SERINC1: variants seen among roughly 807,000 people sequenced by gnomAD.
SERINC1 encodes the protein serine incorporator 1.
Under a neutral mutation model 52.9 loss-of-function variants are expected in SERINC1, and 38 were observed. That is an observed-to-expected ratio of 0.72 (90% CI 0.55 to 0.94). The LOEUF is 0.94. Among genes scored for constraint, SERINC1 ranks in the 40% least tolerant of loss-of-function variants. The pLI, the probability that SERINC1 is intolerant of heterozygous loss-of-function variation, is 0.00. For missense variants in SERINC1, 471 were observed against 533.9 expected, an observed-to-expected ratio of 0.88 and a Z score of 1.16; for synonymous variants, 198 against 183.1, an observed-to-expected ratio of 1.08 and a Z score of -0.66.
At chr6:122,468,675 A>G (rs948639816) in intron 1 of SERINC1, among the ~76,000 whole-genome samples, 1 of 152,204 alleles carries the variant, frequency 6.6e-6, no homozygotes, top group Non-Finnish European at 1.5e-5. Context: ...GCACCCATGC[A>G]TTGAGAGAGA....
intron 1 of SERINC1, among the ~76,000 whole-genome samples, chr6:122,469,832 C>T (rs187264837): frequency 6.6e-6 from 1 of 152,284 alleles, no homozygotes; most frequent in Admixed American, 6.5e-5. Context: ...GCTGGGATTA[C>T]AGGCGTGAGC....
At chr6:122,462,672 T>C (rs1310138810) in intron 1 of SERINC1, among the ~76,000 whole-genome samples, 1 of 152,100 alleles carries the variant, frequency 6.6e-6, no homozygotes, top group African/African-American at 2.4e-5. Flanking sequence ...AACTAACTCA[T>C]CGGTTTAATA....
rs201993161 is a variant in SERINC1, at chr6:122,452,064, A to C, written c.590-7T>G. ...GCTGTAGCTGATAACAAGGCTGTGAAAGAAATATAATTGGATAATTAGCTT... is the reference window on the plus strand; with the variant it reads ...GCTGTAGCTGATAACAAGGCTGTGACAGAAATATAATTGGATAATTAGCTT... On this transcript the variant is annotated splice_region_variant and splice_polypyrimidine_tract_variant and intron_variant, in intron 5 of 9. Coordinates refer to ENST00000339697, the MANE Select transcript of SERINC1 (RefSeq NM_020755.4). 3.0e-5 allele frequency: 45 copies of C among 1,482,572 alleles called. No homozygotes were observed. The highest frequency in any genetic ancestry group is 4.9e-5 in the Admixed American group (2 of 40,922). The allele number at this position is 1,482,572 out of a possible 1,614,324, so 91.8% of individuals were successfully genotyped here.
chr6:122,451,758 CAAAAAA>C lies in SERINC1; in HGVS notation c.760-10_760-5del. ...AACCAGATCTTGGTTGTGATTCCTA[CAAAAAA>C]AAAAAAAAAAAAATATATATATATA... is the stretch of plus-strand genomic sequence containing the variant. On this transcript the variant is annotated splice_region_variant and splice_polypyrimidine_tract_variant and intron_variant, in intron 6 of 9. Transcript: ENST00000339697. 4 of 87,680 alleles carry C rather than the reference CAAAAAA, an allele frequency of 4.6e-5. No homozygotes were observed. The highest frequency in any genetic ancestry group is 2.7e-4 in the East Asian group (1 of 3,678). The allele number at this position is 87,680 out of a possible 1,614,324, so 5.4% of individuals were successfully genotyped here.
chr6:122,467,480 C>A (rs1458986422), intron 1 of SERINC1, among the ~76,000 whole-genome samples: 1 of 152,136 alleles, frequency 6.6e-6, no homozygotes, highest in African/African-American at 2.4e-5. Context: ...GTGGCACATG[C>A]CTGTAATCCC....
chr6:122,448,788 ATTTTTTTTTTTTTT>A (rs67382351), intron 7 of SERINC1, among the ~76,000 whole-genome samples: 29 of 119,466 alleles, frequency 2.4e-4, no homozygotes, highest in African/African-American at 9.1e-4. Context: ...TGCTTTGCCT[ATTTTTTTTTTTTTT>A]TTTTTTTAGC....
intron 4 of SERINC1, 24 bp from the exon 5 acceptor site, chr6:122,453,931 T>TA: frequency 6.4e-7 from 1 of 1,559,324 alleles, no homozygotes; most frequent in Non-Finnish European, 8.7e-7. Flanking sequence ...AAAGCATACA[T>TA]AAGTGATTGG....
intron 1 of SERINC1, among the ~76,000 whole-genome samples, chr6:122,466,157 G>A (rs917353475): frequency 4.6e-5 from 7 of 152,064 alleles, no homozygotes; most frequent in Non-Finnish European, 8.8e-5. Context: ...CTTGGGAGGC[G>A]GAATTGCTCG....
At chr6:122,453,083 A>C (rs1460940034) in intron 5 of SERINC1, among the ~76,000 whole-genome samples, 3 of 152,204 alleles carry the variant, frequency 2.0e-5, no homozygotes, top group African/African-American at 7.2e-5. Context: ...GAGCAGTAGT[A>C]ATGCACTTTA....
At chr6:122,459,513 A>G (rs1355628870) in intron 1 of SERINC1, among the ~76,000 whole-genome samples, 1 of 152,232 alleles carries the variant, frequency 6.6e-6, no homozygotes, top group Non-Finnish European at 1.5e-5. Context: ...AGGTAAGAAT[A>G]AAGCTGCTTT....
At chr6:122,458,477 C>T (rs1775039928) in intron 2 of SERINC1, 43 bp downstream of exon 2, 3 of 1,405,734 alleles carry the variant, frequency 2.1e-6, no homozygotes, top group African/African-American at 1.4e-5. Context: ...TACATATATA[C>T]CCTATAGCCT....
At chr6:122,450,669 T>C (rs1774888788) in intron 7 of SERINC1, among the ~76,000 whole-genome samples, 1 of 152,150 alleles carries the variant, frequency 6.6e-6, no homozygotes, top group African/African-American at 2.4e-5. Context: ...ACATTCATGA[T>C]TCATGGGAAA....
chr6:122,446,717 G>GA, intron 9 of SERINC1, 57 bp downstream of exon 9: 1 of 1,158,024 alleles, frequency 8.6e-7, no homozygotes, highest in Non-Finnish European at 1.3e-6. Context: ...TTTCACAAGA[G>GA]AATCATAAAA....
At chr6:122,459,150 G>C (rs1457270376) in intron 1 of SERINC1, among the ~76,000 whole-genome samples, 1 of 152,134 alleles carries the variant, frequency 6.6e-6, no homozygotes, top group Non-Finnish European at 1.5e-5. Flanking sequence ...TTGACCTGGC[G>C]ATAGTGATAA....
chr6:122,463,732 AC>A (rs1455640194), intron 1 of SERINC1, among the ~76,000 whole-genome samples: 1 of 152,186 alleles, frequency 6.6e-6, no homozygotes, highest in African/African-American at 2.4e-5. Context: ...GAACTCTCTT[AC>A]TTTGGTGGCG....
At chr6:122,453,705 T>C in intron 5 of SERINC1, 65 bp downstream of exon 5, 2 of 1,344,926 alleles carry the variant, frequency 1.5e-6, no homozygotes, top group South Asian at 1.8e-5. Context: ...ATTTACCTAG[T>C]CTACATATCT....
At chr6:122,452,263 G>T (rs1377626074) in intron 5 of SERINC1, among the ~76,000 whole-genome samples, 1 of 152,064 alleles carries the variant, frequency 6.6e-6, no homozygotes, top group Non-Finnish European at 1.5e-5. Context: ...TTTACACATA[G>T]CTATTATGTA....
chr6:122,470,434 AT>A (rs1335529332), intron 1 of SERINC1, among the ~76,000 whole-genome samples: 2 of 152,244 alleles, frequency 1.3e-5, no homozygotes, highest in Non-Finnish European at 2.9e-5. Context: ...TACAAATTGA[AT>A]TGCATAACAT....
intron 3 of SERINC1, chr6:122,454,534 C>A: frequency 7.4e-6 from 2 of 269,558 alleles, no homozygotes; most frequent in South Asian, 1.2e-4. Flanking sequence ...AAAGGCAAGT[C>A]AACATGTGAA....
Sources: allele counts gnomAD v4.1 joint callset (sites outside exome capture counted in the v4.1 genomes callset), GRCh38; gene constraint gnomAD v4.1.1; transcripts MANE v1.5; gene names NCBI Gene and HGNC (gene_info 2026-07-23, HGNC 2026-07-21).